USP15: variants seen among roughly 807,000 people sequenced by gnomAD.
USP15 encodes the protein ubiquitin carboxyl-terminal hydrolase 15.
Under a neutral mutation model 127.1 loss-of-function variants are expected in USP15, and 18 were observed. That is an observed-to-expected ratio of 0.14 (90% CI 0.10 to 0.21). The LOEUF (loss-of-function observed/expected upper bound fraction) is 0.21, where lower values mean the gene tolerates loss of function less well. USP15 is among the 10% of genes least tolerant of loss of function. USP15 has a pLI of 1.00. For missense variants in USP15, 805 were observed against 1,159.9 expected (o/e 0.69, Z 4.44); for synonymous variants, 364 against 393.7 (o/e 0.92, Z 0.89).
chr12:62,320,288 T>C (rs2064948724), intron 4 of USP15, among the ~76,000 whole-genome samples: 1 of 152,058 alleles, frequency 6.6e-6, no homozygotes, highest in African/African-American at 2.4e-5. Flanking sequence ...GTTGTTTGTG[T>C]GTAGCACTTC....
chr12:62,321,762 T>A, intron 5 of USP15, 153 bp downstream of exon 5: 1 of 510,554 alleles, frequency 2.0e-6, no homozygotes. Context: ...TTACTGACTC[T>A]GACTTTTGAT....
chr12:62,325,056 GTAT>G (rs1471919923), intron 5 of USP15, among the ~76,000 whole-genome samples: 1 of 151,748 alleles, frequency 6.6e-6, no homozygotes, highest in Non-Finnish European at 1.5e-5. Flanking sequence ...CTTTTTATTG[GTAT>G]TATCGTATAT....
intron 3 of USP15, among the ~76,000 whole-genome samples, chr12:62,309,776 A>G (rs1446521816): frequency 6.6e-6 from 1 of 151,992 alleles, no homozygotes; most frequent in Non-Finnish European, 1.5e-5. Context: ...AGCAGACTAA[A>G]GGAGAAAAAT....
chr12:62,268,583 GGCCTT>G (rs1389075473), intron 1 of USP15, among the ~76,000 whole-genome samples: 1 of 151,648 alleles, frequency 6.6e-6, no homozygotes, highest in Non-Finnish European at 1.5e-5. Flanking sequence ...CTGCTTTTGG[GGCCTT>G]TATGCCCCAT....
chr12:62,326,358 A>G (rs1161217557), intron 6 of USP15, among the ~76,000 whole-genome samples: 2 of 152,134 alleles, frequency 1.3e-5, no homozygotes, highest in African/African-American at 4.8e-5. Context: ...GTAGAGGAGT[A>G]TATGAGGTAT....
Position 62,391,360 on chromosome 12 carries a change from A to G in USP15, c.2164A>G (p.Thr722Ala). 3 of 1,613,212 alleles carry G rather than the reference A, an allele frequency of 1.9e-6. No homozygotes were observed. Among genetic ancestry groups the G allele is most frequent in the Non-Finnish European group, 2.5e-6 (3 of 1,179,582 alleles). Residue 722 changes from threonine to alanine, a missense_variant, in exon 16 of 22, where the codon ACT (threonine) becomes GCT (alanine). By Grantham distance (58) the Thr-to-Ala change is moderately conservative. Coordinates refer to ENST00000280377, the MANE Select transcript of USP15 (RefSeq NM_001252078.2). The part of the protein sequence containing the change: ...FTFQFNNLGN[T>A]DINYIKDDTR... ...ATTCCAGTTCAACAACTTAGGCAAT[A>G]CTGATATCAACTACATCAAAGATGA...
intron 1 of USP15, among the ~76,000 whole-genome samples, chr12:62,278,272 T>G (rs2063549192): frequency 6.6e-6 from 1 of 152,180 alleles, no homozygotes; most frequent in Non-Finnish European, 1.5e-5. Context: ...TCATCTGGAA[T>G]ACTTCCTGAA....
intron 6 of USP15, among the ~76,000 whole-genome samples, chr12:62,334,797 ATTTT>A (rs2065409323): frequency 2.6e-5 from 4 of 152,142 alleles, no homozygotes; most frequent in African/African-American, 9.7e-5. Context: ...ACTTCTCTGT[ATTTT>A]GGTTGCTTAA....
In USP15 at chr12:62,384,264, T is replaced by C. The variant is rs2067073528; in HGVS notation, c.1435T>C (p.Tyr479His). 1 of 1,612,104 alleles carries C rather than the reference T, an allele frequency of 6.2e-7. No homozygotes were observed. Among genetic ancestry groups the C allele is most frequent in the African/African-American group, 1.3e-5 (1 of 74,902 alleles). ...GAAAAAAGAACGCACCTTGGAAGTTTACTTAGTTAGAATGGATCCACTTAC... is the reference window on the plus strand; with the variant it reads ...GAAAAAAGAACGCACCTTGGAAGTTCACTTAGTTAGAATGGATCCACTTAC... ...PMKKERTLEV[Y>H]LVRMDPLTKP... Residue 479 changes from tyrosine (Y) to histidine (H), a missense_variant, in exon 11 of 22, where the codon TAC becomes CAC. By Grantham distance (83) the Tyr-to-His change is moderately conservative. Transcript: ENST00000280377.
chr12:62,400,763 C>T (rs1341350572), intron 20 of USP15, among the ~76,000 whole-genome samples: 1 of 151,922 alleles, frequency 6.6e-6, no homozygotes, highest in Non-Finnish European at 1.5e-5. Context: ...AGTATAGTAC[C>T]TTGAGTAAAT....
intron 4 of USP15, 69 bp downstream of exon 4, chr12:62,314,985 A>G: frequency 1.5e-6 from 2 of 1,366,976 alleles, no homozygotes; most frequent in Non-Finnish European, 1.9e-6. Context: ...ATCTTTGTAT[A>G]TGCTACTTGG....
chr12:62,277,373 G>A (rs1162641087), intron 1 of USP15, among the ~76,000 whole-genome samples: 1 of 152,190 alleles, frequency 6.6e-6, no homozygotes, highest in Non-Finnish European at 1.5e-5. Flanking sequence ...TATTAGGGAA[G>A]CATGCAAACC....
chr12:62,356,959 C>G (rs1427786055), intron 8 of USP15, among the ~76,000 whole-genome samples: 1 of 151,996 alleles, frequency 6.6e-6, no homozygotes, highest in African/African-American at 2.4e-5. Flanking sequence ...ACCCTGTTCT[C>G]AGATCACCAA....
chr12:62,275,199 CA>C (rs974407221), intron 1 of USP15, among the ~76,000 whole-genome samples: 3 of 151,692 alleles, frequency 2.0e-5, no homozygotes, highest in Admixed American at 1.3e-4. Context: ...CTGGAAAATC[CA>C]AGTTGACATG....
chr12:62,293,730 G>C (rs374762450), intron 1 of USP15, among the ~76,000 whole-genome samples: 14 of 152,232 alleles, frequency 9.2e-5, no homozygotes, highest in African/African-American at 3.4e-4. Flanking sequence ...CTCTCTCTCT[G>C]ATTATGATTA....
intron 8 of USP15, among the ~76,000 whole-genome samples, chr12:62,364,995 G>A (rs1344863937): frequency 6.6e-6 from 1 of 152,092 alleles, no homozygotes; most frequent in African/African-American, 2.4e-5. Flanking sequence ...CTTTGCTATT[G>A]TGAAAAGTGC....
At chr12:62,324,716 A>C (rs1336381271) in intron 5 of USP15, among the ~76,000 whole-genome samples, 1 of 151,968 alleles carries the variant, frequency 6.6e-6, no homozygotes. Flanking sequence ...GATTTTTTAA[A>C]GCTAACTTTA....
chr12:62,287,860 C>T (rs1216450231), intron 1 of USP15, among the ~76,000 whole-genome samples: 2 of 151,988 alleles, frequency 1.3e-5, no homozygotes, highest in Non-Finnish European at 2.9e-5. Flanking sequence ...CCTTTCCCAG[C>T]GAATGTTTTT....
chr12:62,367,323 C>T (rs2066512247), intron 8 of USP15, among the ~76,000 whole-genome samples: 1 of 152,072 alleles, frequency 6.6e-6, no homozygotes, highest in African/African-American at 2.4e-5. Context: ...GCTCTGCCTC[C>T]CAGGTTCATG....
Sources: allele counts gnomAD v4.1 joint callset (sites outside exome capture counted in the v4.1 genomes callset), GRCh38; gene constraint gnomAD v4.1.1; transcripts MANE v1.5; gene names NCBI Gene and HGNC (gene_info 2026-07-23, HGNC 2026-07-21).